Variants in CLEC4A observed in about 807,000 individuals in gnomAD.
CLEC4A encodes C-type lectin domain family 4 member A.
In CLEC4A, 27 loss-of-function variants were observed where a neutral mutation model predicts 32.7. That is an observed-to-expected ratio of 0.83 (90% confidence interval 0.61 to 1.14). CLEC4A has a LOEUF of 1.14. CLEC4A is among the 50% of genes most tolerant of loss of function. The pLI is 0.00. For missense variants in CLEC4A, 253 were observed against 274.6 expected (o/e 0.92, Z 0.55); for synonymous variants, 89 against 93.7 (o/e 0.95, Z 0.29).
chr12:8,124,274 G>A (rs1947866903), intron 1 of CLEC4A, among the ~76,000 whole-genome samples: 3 of 152,168 alleles, frequency 2.0e-5, no homozygotes, highest in African/African-American at 7.2e-5. Flanking sequence ...AGGCTGAGTG[G>A]GGCTGGGGTT....
Position 8,125,554 on chromosome 12 carries a change from T to C in CLEC4A, c.83-7T>C. 1 of 1,558,040 alleles carries C rather than the reference T, an allele frequency of 6.4e-7. No homozygotes were observed. On this transcript the variant is annotated splice_polypyrimidine_tract_variant and splice_region_variant and intron_variant, in intron 1 of 5. Coordinates refer to ENST00000229332, the MANE Select transcript of CLEC4A (RefSeq NM_016184.4). The stretch of plus-strand genomic sequence containing the variant: ...TACTGATAAAACTAATTTGGCTTCT[T>C]CTTCAGCTTCCAAGGAGAGGACTGC...
Position 8,129,325 on chromosome 12 carries a change from A to G in CLEC4A, c.261A>G (p.Thr87=). 6.2e-7 allele frequency: 1 copy of G among 1,607,094 alleles called. No homozygotes were observed. ...EKKTTKELVH[T]TLECVKKNMP... The stretch of plus-strand genomic sequence containing the variant: ...AGACTACAAAAGAGCTGGTTCATAC[A>G]ACATTGGAGTGTGTGAAAAAAAATA... The change falls in exon 3 of 6, where the codon ACA becomes ACG. Residue 87 remains threonine (T), a synonymous_variant. Coordinates refer to ENST00000229332, the MANE Select transcript of CLEC4A (RefSeq NM_016184.4).
chr12:8,104,798 T>C, the CLEC4A span, among the ~76,000 whole-genome samples: 1 of 152,206 alleles, frequency 6.6e-6, no homozygotes, highest in Non-Finnish European at 1.5e-5. Flanking sequence ...AATGTTTAGA[T>C]CTCATTCACA....
chr12:8,126,244 A>C (rs1026221758), intron 2 of CLEC4A, among the ~76,000 whole-genome samples: 4 of 152,146 alleles, frequency 2.6e-5, no homozygotes. Flanking sequence ...TGGTTCTGTC[A>C]CCCAGGCTGG....
the CLEC4A span, among the ~76,000 whole-genome samples, chr12:8,109,559 T>G: frequency 6.6e-6 from 1 of 152,140 alleles, no homozygotes; most frequent in Non-Finnish European, 1.5e-5. Flanking sequence ...ATTTTAAAAT[T>G]AAATTGCTTA....
chr12:8,116,599 A>C, the CLEC4A span, among the ~76,000 whole-genome samples: 9 of 152,168 alleles, frequency 5.9e-5, no homozygotes, highest in African/African-American at 2.2e-4. Context: ...TCAGTTTTGA[A>C]TCCTTTGCTA....
intron 5 of CLEC4A, among the ~76,000 whole-genome samples, chr12:8,137,890 T>C (rs557230840): frequency 2.0e-5 from 3 of 152,108 alleles, no homozygotes; most frequent in Admixed American, 6.5e-5. Context: ...GAAGAGAACC[T>C]CTAGAAAATC....
At chr12:8,127,666 A>G (rs920549580) in intron 2 of CLEC4A, among the ~76,000 whole-genome samples, 7 of 152,158 alleles carry the variant, frequency 4.6e-5, no homozygotes, top group Non-Finnish European at 1.0e-4. Flanking sequence ...CATTAATTCA[A>G]TTGAGAAATA....
intron 1 of CLEC4A, among the ~76,000 whole-genome samples, chr12:8,124,212 TC>T (rs1947865861): frequency 6.6e-6 from 1 of 152,176 alleles, no homozygotes. Context: ...GTGAGAGAAA[TC>T]CACTCCAGTT....
chr12:8,117,975 A>G, the CLEC4A span, among the ~76,000 whole-genome samples: 1 of 152,066 alleles, frequency 6.6e-6, no homozygotes. Flanking sequence ...CACAAATCAC[A>G]GGAGCATCTG....
In CLEC4A at chr12:8,138,523, A is replaced by G. The variant is rs1948167071; in HGVS notation, c.*236A>G. On this transcript the variant is annotated 3_prime_UTR_variant, in exon 6 of 6. Coordinates refer to ENST00000229332, the MANE Select transcript of CLEC4A (RefSeq NM_016184.4). ...TGTACTGGAGGCCCCCATTGTGCAC[A>G]CATGGAGAGAACATGAGTCTCTCTT... 1 of 424,622 alleles carries G rather than the reference A, an allele frequency of 2.4e-6. No individual in the cohort carries two copies. The highest frequency in any genetic ancestry group is 2.0e-5 in the African/African-American group (1 of 48,794). The allele number at this position is 424,622 out of a possible 1,614,324, so 26.3% of individuals were successfully genotyped here. A position where few individuals can be genotyped will look rare whatever the true frequency, so the allele number is the denominator to read the frequency against.
In CLEC4A at chr12:8,136,840, C is replaced by G. The variant is rs1484860238; in HGVS notation, c.503C>G (p.Ser168Ter). ...QEESAYFVGL[S>*]DPEGQRHWQW... Reference sequence around the variant, plus strand: ...GAATCTGCTTATTTTGTGGGGCTCTCAGATCCAGAAGGTCAGCGACATTGG... The same window carrying G: ...GAATCTGCTTATTTTGTGGGGCTCTGAGATCCAGAAGGTCAGCGACATTGG... The change falls in exon 5 of 6, where the codon TCA becomes TGA. Residue 168 changes from serine to a stop codon, truncating the protein, a stop_gained. Coordinates refer to ENST00000229332, the MANE Select transcript of CLEC4A (RefSeq NM_016184.4). LOFTEE classifies it high-confidence loss of function. The G allele has an allele frequency of 1.2e-6, 2 of 1,613,638 alleles. No homozygotes were observed. Among genetic ancestry groups the G allele is most frequent in the Non-Finnish European group, 1.7e-6 (2 of 1,179,608 alleles).
chr12:8,106,356 G>A, the CLEC4A span, among the ~76,000 whole-genome samples: 1 of 152,124 alleles, frequency 6.6e-6, no homozygotes, highest in African/African-American at 2.4e-5. Context: ...GCTCAGGATT[G>A]CCCTGGCTAT....
intron 3 of CLEC4A, chr12:8,134,022 A>T (rs1019723145): frequency 1.2e-6 from 2 of 1,603,580 alleles, no homozygotes; most frequent in Non-Finnish European, 1.7e-6. Flanking sequence ...CGGTTACAGA[A>T]CCACACTCGG....
the CLEC4A span, among the ~76,000 whole-genome samples, chr12:8,103,204 T>C: frequency 2.0e-4 from 30 of 152,166 alleles, no homozygotes; most frequent in Non-Finnish European, 3.7e-4. Context: ...GTAATGTTTG[T>C]GAAACAAAGC....
the CLEC4A span, among the ~76,000 whole-genome samples, chr12:8,105,288 AT>A: frequency 6.6e-6 from 1 of 151,508 alleles, no homozygotes; most frequent in African/African-American, 2.4e-5. Context: ...GTGAGATGGT[AT>A]CTTATTGTGG....
At chr12:8,105,959 G>T in the CLEC4A span, among the ~76,000 whole-genome samples, 1 of 152,006 alleles carries the variant, frequency 6.6e-6, no homozygotes, top group Non-Finnish European at 1.5e-5. Context: ...TGAAATCTTT[G>T]CCCATTCCTA....
intron 5 of CLEC4A, among the ~76,000 whole-genome samples, chr12:8,137,190 C>T (rs1485572261): frequency 6.6e-6 from 1 of 152,224 alleles, no homozygotes; most frequent in East Asian, 1.9e-4. Context: ...GTGGATCTTA[C>T]TGTGCTTTTA....
chr12:8,135,069 T>TTTTTTTTTTTTTG (rs1948089265), intron 3 of CLEC4A, among the ~76,000 whole-genome samples: 1 of 124,238 alleles, frequency 8.0e-6, no homozygotes, highest in Non-Finnish European at 1.7e-5. Flanking sequence ...TTTTTTTTTT[T>TTTTTTTTTTTTTG]GAGACAGGTT....
Sources: gnomAD v4.1 joint callset for allele counts (sites outside exome capture counted in the v4.1 genomes callset) on GRCh38, gnomAD v4.1.1 for gene constraint, MANE v1.5 for transcripts, NCBI Gene and HGNC (gene_info 2026-07-23, HGNC 2026-07-21) for gene names.